The following KIAA1671 variants were observed in gnomAD, a reference collection of about 807,000 sequenced individuals.
KIAA1671 encodes the protein uncharacterized protein KIAA1671.
KIAA1671 carries 52 observed loss-of-function variants against 131.2 expected under a neutral mutation model. That is an observed-to-expected ratio of 0.40 (90% CI 0.32 to 0.50). The LOEUF is 0.50. Ranked by LOEUF, KIAA1671 falls within the 20% of genes least tolerant of loss-of-function variation. The pLI, the probability that KIAA1671 is intolerant of heterozygous loss-of-function variation, is 0.73. For missense variants in KIAA1671, 2,360 were observed against 2,364.2 expected (o/e 1.00, Z 0.04); for synonymous variants, 1,003 against 961.6 (o/e 1.04, Z -0.80).
At chr22:25,122,978 A>T (rs1487711000) in intron 6 of KIAA1671, among the ~76,000 whole-genome samples, 7 of 151,980 alleles carry the variant, frequency 4.6e-5, no homozygotes, top group Admixed American at 4.6e-4. Context: ...CCATCTCACA[A>T]AAAAAACAAA....
intron 6 of KIAA1671, among the ~76,000 whole-genome samples, chr22:25,157,756 A>T (rs1411575827): frequency 2.0e-5 from 3 of 151,312 alleles, no homozygotes. Context: ...ACCTAAATGT[A>T]TCACACAGGC....
chr22:25,043,789 G>A (rs950576491), intron 5 of KIAA1671, among the ~76,000 whole-genome samples: 1 of 152,204 alleles, frequency 6.6e-6, no homozygotes, highest in Non-Finnish European at 1.5e-5. Context: ...GAGGTGGGAA[G>A]AGCGTAGAAT....
Position 25,171,631 on chromosome 22 carries a change from C to T in KIAA1671, c.4649+693C>T, listed in dbSNP as rs1032680751. Among the ~76,000 whole-genome samples, 16 of 151,988 alleles carry T rather than the reference C, an allele frequency of 1.1e-4. 1 individual carries two copies. The highest frequency in any genetic ancestry group is 2.6e-4 in the Admixed American group (4 of 15,266). On this transcript the variant is annotated intron_variant, in intron 7 of 12. Coordinates refer to ENST00000358431, the MANE Select transcript of KIAA1671 (RefSeq NM_001145206.2). ...TCAGGAGGCTGAAGCACAAGAATCA[C>T]TTGAACCCGGGAGGTGGAGGCTGCA... is the stretch of plus-strand genomic sequence containing the variant.
chr22:25,012,464 G>C (rs185848367), intron 1 of KIAA1671: 1 of 151,862 alleles, frequency 6.6e-6, no homozygotes, highest in East Asian at 1.9e-4. Context: ...GTAGAGAAAG[G>C]GTTTTACCAT....
intron 6 of KIAA1671, among the ~76,000 whole-genome samples, chr22:25,089,121 G>A (rs1389020507): frequency 2.0e-5 from 3 of 152,136 alleles, no homozygotes; most frequent in Non-Finnish European, 4.4e-5. Flanking sequence ...ATGATTTAAT[G>A]TGTGTAGGAG....
chr22:25,036,078 T>C (rs1926577152), intron 4 of KIAA1671, among the ~76,000 whole-genome samples: 2 of 152,072 alleles, frequency 1.3e-5, no homozygotes, highest in African/African-American at 4.8e-5. Flanking sequence ...CTTTATTTTA[T>C]TTATTTATTT....
At chr22:25,099,585 C>A (rs1289367519) in intron 6 of KIAA1671, among the ~76,000 whole-genome samples, 1 of 126,844 alleles carries the variant, frequency 7.9e-6, no homozygotes, top group East Asian at 2.5e-4. Context: ...GATAGAGTCT[C>A]GCTCAGTCAC....
At chr22:24,978,177 T>G (rs1222823697) in intron 1 of KIAA1671, among the ~76,000 whole-genome samples, 1 of 152,184 alleles carries the variant, frequency 6.6e-6, no homozygotes, top group East Asian at 1.9e-4. Flanking sequence ...AATTCCCATG[T>G]GTTGTGAGAG....
At chr22:25,117,637 A>G (rs966441023) in intron 6 of KIAA1671, among the ~76,000 whole-genome samples, 5 of 141,082 alleles carry the variant, frequency 3.5e-5, no homozygotes, top group African/African-American at 1.3e-4. Context: ...ACACACACAC[A>G]GACACACTGC....
intron 6 of KIAA1671, among the ~76,000 whole-genome samples, chr22:25,093,682 GACAC>G (rs67802603): frequency 0.092 from 4,600 of 49,780 alleles, 343 homozygotes; most frequent in Middle Eastern, 0.17. Flanking sequence ...CCTGCCCCCC[GACAC>G]ACACACACAC....
chr22:25,173,189 C>A (rs1045497498), intron 7 of KIAA1671, among the ~76,000 whole-genome samples: 1 of 152,132 alleles, frequency 6.6e-6, no homozygotes, highest in African/African-American at 2.4e-5. Context: ...ATCATGAGAA[C>A]AGCAAGGAGG....
In KIAA1671 at chr22:25,029,228, G is replaced by A. The variant is rs1198226002; in HGVS notation, c.1229G>A (p.Gly410Asp). ...TCCCCCTCACCCAGGCTGGGAAGGG[G>A]CCTAGAACTTGCTGAGGTTAAGAGC... is the stretch of plus-strand genomic sequence containing the variant. ...AESPSPRLGR[G>D]LELAEVKSRV... Residue 410 changes from glycine to aspartate, a missense_variant, in exon 3 of 13, where the codon GGC (glycine) becomes GAC (aspartate). Coordinates refer to ENST00000358431, the MANE Select transcript of KIAA1671 (RefSeq NM_001145206.2). The A allele has an allele frequency of 4.1e-6, 6 of 1,474,008 alleles. No homozygotes were observed. Among genetic ancestry groups the A allele is most frequent in the East Asian group, 5.0e-5 (2 of 40,242 alleles). 91.3% of individuals were successfully genotyped at this position (1,474,008 alleles called of 1,614,324 possible). A position where few individuals can be genotyped will look rare whatever the true frequency, so the allele number is the denominator to read the frequency against.
intron 6 of KIAA1671, chr22:25,058,020 G>A (rs1421403546): frequency 6.6e-6 from 1 of 152,186 alleles, no homozygotes; most frequent in Non-Finnish European, 1.5e-5. Context: ...TAAGACTTCA[G>A]GGTGTGATGA....
chr22:25,184,083 T>A (rs1328013074), intron 10 of KIAA1671, among the ~76,000 whole-genome samples: 2 of 152,190 alleles, frequency 1.3e-5, no homozygotes, highest in Non-Finnish European at 2.9e-5. Flanking sequence ...CAGTGTTAGC[T>A]TAAACTTCAA....
intron 6 of KIAA1671, among the ~76,000 whole-genome samples, chr22:25,136,874 G>A (rs1932700804): frequency 1.3e-5 from 2 of 152,158 alleles, no homozygotes; most frequent in African/African-American, 2.4e-5. Flanking sequence ...TAGACAAGTA[G>A]TGAGTTTCCC....
At chr22:25,008,169 G>A (rs1346737972) in intron 1 of KIAA1671, among the ~76,000 whole-genome samples, 1 of 125,968 alleles carries the variant, frequency 7.9e-6, no homozygotes, top group Non-Finnish European at 1.6e-5. Flanking sequence ...CTGCACTCCA[G>A]CCTGAGAGAC....
At chr22:25,135,057 G>A (rs900931372) in intron 6 of KIAA1671, among the ~76,000 whole-genome samples, 2 of 152,172 alleles carry the variant, frequency 1.3e-5, no homozygotes, top group Non-Finnish European at 2.9e-5. Flanking sequence ...TAACATGACA[G>A]TAAGGCATTT....
intron 1 of KIAA1671, among the ~76,000 whole-genome samples, chr22:25,004,693 TC>T (rs1924649235): frequency 6.6e-6 from 1 of 152,118 alleles, no homozygotes; most frequent in Non-Finnish European, 1.5e-5. Context: ...ACGCCTGTAA[TC>T]CCAGCACTTT....
intron 6 of KIAA1671, among the ~76,000 whole-genome samples, chr22:25,078,363 A>G (rs7289396): frequency 0.25 from 37,349 of 152,076 alleles, 5,306 homozygotes; most frequent in African/African-American, 0.4. Flanking sequence ...AGTCTCTACA[A>G]AAGAATTTTT....
Sources: allele counts gnomAD v4.1 joint callset (sites outside exome capture counted in the v4.1 genomes callset), GRCh38; gene constraint gnomAD v4.1.1; transcripts MANE v1.5; gene names NCBI Gene and HGNC (gene_info 2026-07-23, HGNC 2026-07-21).